PLCH2: variants seen among roughly 807,000 people sequenced by gnomAD.
PLCH2 encodes the protein 1-phosphatidylinositol 4,5-bisphosphate phosphodiesterase eta-2.
A neutral mutation model predicts 134.7 loss-of-function variants in PLCH2; 98 were observed. The observed-to-expected ratio is 0.73, with a 90% confidence interval of 0.62 to 0.86. The LOEUF is 0.86. PLCH2 is among the 40% of genes least tolerant of loss of function. The pLI, the probability that PLCH2 is intolerant of heterozygous loss-of-function variation, is 0.00. For missense variants in PLCH2, 1,994 were observed against 1,986.6 expected, an observed-to-expected ratio of 1.00 and a Z score of -0.07; for synonymous variants, 974 against 827.5, an observed-to-expected ratio of 1.18 and a Z score of -3.04.
chr1:2,503,904 T>TCCCCCCCCCCCCCCCCCC lies in PLCH2; in HGVS notation c.2960-13_2960-12insCCCCCCCCCCCCCCCCCC. 1.4e-6 allele frequency: 1 copy of TCCCCCCCCCCCCCCCCCC among 694,072 alleles called. No individual in the cohort carries two copies. Among genetic ancestry groups the TCCCCCCCCCCCCCCCCCC allele is most frequent in the Non-Finnish European group, 2.6e-6 (1 of 391,104 alleles). The allele number at this position is 694,072 out of a possible 1,614,324, so 43.0% of individuals were successfully genotyped here. A position where few individuals can be genotyped will look rare whatever the true frequency, so the allele number is the denominator to read the frequency against. On this transcript the variant is annotated splice_polypyrimidine_tract_variant and intron_variant, in intron 21 of 21. Transcript: ENST00000378486. ...GCTTCTCCCTCTGGCTCTCTCTCAC[T>TCCCCCCCCCCCCCCCCCC]CCCCCACCTCCCCACAGACACCCGC... is the stretch of plus-strand genomic sequence containing the variant.
At chr1:2,496,073 C>T (rs1642867200) in intron 13 of PLCH2, among the ~76,000 whole-genome samples, 1 of 152,082 alleles carries the variant, frequency 6.6e-6, no homozygotes, top group Non-Finnish European at 1.5e-5. Flanking sequence ...GTGCCGCCCA[C>T]TCCCTCCTAT....
intron 2 of PLCH2, among the ~76,000 whole-genome samples, chr1:2,431,844 C>T (rs1000401999): frequency 5.9e-5 from 9 of 152,118 alleles, no homozygotes; most frequent in African/African-American, 2.2e-4. Flanking sequence ...TGGGCCTACC[C>T]TCATCCTGGG....
the PLCH2 span, among the ~76,000 whole-genome samples, chr1:2,419,387 A>G: frequency 6.6e-6 from 1 of 152,026 alleles, no homozygotes; most frequent in Non-Finnish European, 1.5e-5. Context: ...TGAGTTTCCC[A>G]CTGATTGTGA....
rs775862960 is a variant in PLCH2 at position 2,494,944 on chromosome 1, G to A, written c.1748G>A (p.Arg583His). Residue 583 changes from arginine to histidine, a missense_variant, in exon 12 of 22, where the codon CGC becomes CAC. Physicochemically the swap from Arg to His is conservative, Grantham distance 29. Coordinates refer to ENST00000378486, the MANE Select transcript of PLCH2 (RefSeq NM_014638.4). The part of the protein sequence containing the change: ...GRLVVGSFSR[R>H]KKKGSKLKKA... ...CTCGTCGTGGGAAGCTTCTCCAGGC[G>A]CAAGGTCCGGCGCAGCTCCCAGGCC... The A allele has an allele frequency of 1.1e-5, 18 of 1,584,952 alleles. No individual in the cohort carries two copies. The East Asian group carries it at 1.1e-4, about 10-fold the overall frequency.
At chr1:2,438,039 T>A (rs550445776) in intron 2 of PLCH2, among the ~76,000 whole-genome samples, 1 of 152,258 alleles carries the variant, frequency 6.6e-6, no homozygotes, top group East Asian at 1.9e-4. Flanking sequence ...TGCCTCAGCA[T>A]TAGTAAAGTT....
At chr1:2,424,788 C>T (rs561960224), upstream of PLCH2, among the ~76,000 whole-genome samples, 1 of 152,130 alleles carries the variant, frequency 6.6e-6, no homozygotes, top group East Asian at 1.9e-4. Context: ...GAGATCGAGA[C>T]CATCCTGGCT....
intron 2 of PLCH2, among the ~76,000 whole-genome samples, chr1:2,462,230 C>T (rs1479614512): frequency 2.2e-5 from 2 of 89,128 alleles, no homozygotes; most frequent in East Asian, 4.3e-4. Context: ...CTGACACCCC[C>T]GCCTGACACC....
At chr1:2,491,621 C>T (rs1038720233) in intron 11 of PLCH2, among the ~76,000 whole-genome samples, 40 of 152,240 alleles carry the variant, frequency 2.6e-4, no homozygotes, top group Admixed American at 2.4e-3. Flanking sequence ...CCTGTGGCCA[C>T]GTGGGGAAGT....
chr1:2,504,831 CG>C lies in PLCH2; in HGVS notation c.3873del (p.Pro1292GlnfsTer3), dbSNP rs1643451834. ...LGLPGGTRRV[S>X]GPGVRRDTLT... ...CTCCCGGGAGGGACACGGCGGGTGT[CG>C]GGGCCAGGGGTGAGACGGGACACCC... On this transcript the variant is annotated frameshift_variant, in exon 22 of 22. Transcript: ENST00000378486. LOFTEE classifies it high-confidence loss of function. 2 of 1,608,064 alleles carry C rather than the reference CG, an allele frequency of 1.2e-6. No homozygotes were observed. The highest frequency in any genetic ancestry group is 2.7e-5 in the African/African-American group (2 of 74,888).
rs1166484087 is a variant in PLCH2, at chr1:2,491,408, C to T, written c.1659+73C>T. On this transcript the variant is annotated intron_variant, in intron 11 of 21. Transcript: ENST00000378486. ...CAGCCAGCCTGTGGGCCAGCCAGGG[C>T]CCCCGAACGTATGCTCTGTGCGCAC... 4 of 1,515,738 alleles carry T rather than the reference C, an allele frequency of 2.6e-6. No individual in the cohort carries two copies. In the East Asian group the frequency reaches 6.8e-5, roughly 26 times the overall value. 93.9% of individuals were successfully genotyped at this position (1,515,738 alleles called of 1,614,324 possible).
chr1:2,441,511 G>A (rs979084994), intron 2 of PLCH2, among the ~76,000 whole-genome samples: 7 of 152,188 alleles, frequency 4.6e-5, no homozygotes, highest in African/African-American at 1.4e-4. Context: ...CGACTGGCAC[G>A]TCCATCCTCC....
rs116248622 is a variant in PLCH2, at chr1:2,448,494, G to A, written c.115+17865G>A. Among the ~76,000 whole-genome samples, 59 of 152,250 alleles carry A rather than the reference G, an allele frequency of 3.9e-4. No homozygotes were observed. Among genetic ancestry groups the A allele is most frequent in the African/African-American group, 1.3e-3 (56 of 41,552 alleles). ...GATCTGGGGCCTGCCTGGGTCATTCGGGACGATCTCCTCGGCGCAGGCCTT... is the reference window on the plus strand; with the variant it reads ...GATCTGGGGCCTGCCTGGGTCATTCAGGACGATCTCCTCGGCGCAGGCCTT... On this transcript the variant is annotated intron_variant, in intron 2 of 3. Transcript: ENST00000609981. This position sits in a 1 kb window ranked among gnomAD's most constrained non-coding sequence, Gnocchi z 4.0.
At position 2,476,506 on chromosome 1, in the gene PLCH2, C is replaced by T. The variant is rs1043849780; in HGVS notation, c.-83C>T. The stretch of plus-strand genomic sequence containing the variant: ...GGCCCCACGGAGGTCCTGTCGCCAG[C>T]GCTGCCACTGCCTGACCTCCGCTGC... On this transcript the variant is annotated 5_prime_UTR_variant, in exon 1 of 22. Transcript: ENST00000378486. 8.5e-5 allele frequency: 114 copies of T among 1,338,364 alleles called. No individual in the cohort carries two copies. The highest frequency in any genetic ancestry group is 2.7e-4 in the Middle Eastern group (1 of 3,716). 82.9% of individuals were successfully genotyped at this position (1,338,364 alleles called of 1,614,324 possible).
At chr1:2,490,959 G>A (rs1642541717) in intron 10 of PLCH2, among the ~76,000 whole-genome samples, 2 of 152,274 alleles carry the variant, frequency 1.3e-5, no homozygotes, top group Non-Finnish European at 2.9e-5. Flanking sequence ...CCAGGCCACA[G>A]GGCCAGAAGC....
chr1:2,467,845 A>C (rs1464764716), intron 1 of PLCH2, among the ~76,000 whole-genome samples: 2 of 152,034 alleles, frequency 1.3e-5, no homozygotes, highest in African/African-American at 4.8e-5. Flanking sequence ...CAATGACCCC[A>C]TTACCTGCAC....
chr1:2,488,679 T>C (rs1426714533), intron 8 of PLCH2, among the ~76,000 whole-genome samples: 2 of 152,220 alleles, frequency 1.3e-5, no homozygotes, highest in Non-Finnish European at 1.5e-5. Flanking sequence ...CCTGCTATAC[T>C]CCCCATTCTG....
intron 2 of PLCH2, among the ~76,000 whole-genome samples, chr1:2,436,350 C>CCCTCCTCCCTTCCT (rs1557943156): frequency 1.1e-4 from 4 of 35,372 alleles, no homozygotes; most frequent in Admixed American, 2.2e-4. Flanking sequence ...CACCTTTCCT[C>CCCTCCTCCCTTCCT]CCTTCCTCCC....
At chr1:2,435,692 G>A (rs1231879995) in intron 2 of PLCH2, among the ~76,000 whole-genome samples, 1 of 152,074 alleles carries the variant, frequency 6.6e-6, no homozygotes, top group Non-Finnish European at 1.5e-5. Flanking sequence ...AGGGGAGACT[G>A]GGTTTCCAGG....
At chr1:2,463,381 C>T (rs1446391317), upstream of PLCH2, among the ~76,000 whole-genome samples, 2 of 152,238 alleles carry the variant, frequency 1.3e-5, no homozygotes, top group Admixed American at 1.3e-4. Flanking sequence ...TGGGGGACCT[C>T]GCTGTGTCCC....
Sources: gnomAD v4.1 joint callset for allele counts (sites outside exome capture counted in the v4.1 genomes callset) on GRCh38, gnomAD v4.1.1 for gene constraint, Gnocchi (gnomAD v3.1) non-coding constraint, MANE v1.5 for transcripts, NCBI Gene and HGNC (gene_info 2026-07-23, HGNC 2026-07-21) for gene names.